The following LINGO3 variants were observed in gnomAD, a reference collection of about 807,000 sequenced individuals.
The protein encoded by LINGO3 is leucine rich repeat and Ig domain containing 3, also known as leucine-rich repeat and immunoglobulin-like domain-containing nogo receptor-interacting protein 3.
For synonymous variants in LINGO3, 427 were observed against 444.2 expected, an observed-to-expected ratio of 0.96 and a Z score of 0.49; for missense variants, 750 against 867.7, an observed-to-expected ratio of 0.86 and a Z score of 1.70.
the LINGO3 span, among the ~76,000 whole-genome samples, chr19:2,303,103 GA>G: frequency 6.6e-6 from 1 of 152,156 alleles, no homozygotes; most frequent in Non-Finnish European, 1.5e-5. Context: ...CCCCCAAAAG[GA>G]AGCCCCGTCC....
At chr19:2,300,444 C>G in the LINGO3 span, among the ~76,000 whole-genome samples, 1 of 151,904 alleles carries the variant, frequency 6.6e-6, no homozygotes, top group Non-Finnish European at 1.5e-5. Context: ...TCCCTCGGAC[C>G]ACCCCCCTCC....
Position 2,290,814 on chromosome 19 carries a change from G to A in LINGO3, c.963C>T (p.Arg321=), listed in dbSNP as rs762196696. 7.4e-6 allele frequency: 12 copies of A among 1,612,578 alleles called. No homozygotes were observed. The highest frequency in any genetic ancestry group is 4.5e-5 in the East Asian group (2 of 44,854). The change falls in exon 1 of 1, where the codon CGC becomes CGT. Residue 321 remains arginine (R), a synonymous_variant. Coordinates refer to ENST00000585527, the Ensembl canonical transcript of LINGO3. This position sits in a 1 kb window ranked among gnomAD's most constrained non-coding sequence, Gnocchi z 6.0. ...GCAGGTTGTTGGAGAGGTTGAGCAG[G>A]CGGATCTGGCGCAGGCCCAGGAAGG...
upstream of LINGO3, among the ~76,000 whole-genome samples, chr19:2,292,434 G>T (rs149160444): frequency 9.8e-3 from 1,357 of 138,170 alleles, 14 homozygotes; most frequent in Non-Finnish European, 0.015. Flanking sequence ...AAGCAGCATT[G>T]ATCCACCGTG....
the LINGO3 span, among the ~76,000 whole-genome samples, chr19:2,302,760 C>A: frequency 6.6e-6 from 1 of 152,256 alleles, no homozygotes. Context: ...CAGCTGAGGC[C>A]GCAGAGGCCT....
At chr19:2,300,596 A>T in the LINGO3 span, among the ~76,000 whole-genome samples, 1 of 151,730 alleles carries the variant, frequency 6.6e-6, no homozygotes, top group Non-Finnish European at 1.5e-5. Flanking sequence ...GACCTCTCCC[A>T]GGGCGACCCA....
At chr19:2,292,647 G>A (rs528143042), upstream of LINGO3, among the ~76,000 whole-genome samples, 4 of 151,666 alleles carry the variant, frequency 2.6e-5, no homozygotes, top group East Asian at 2.0e-4. Flanking sequence ...CCGCCACCAC[G>A]TCCGGCTAAT....
At chr19:2,300,124 C>T in the LINGO3 span, among the ~76,000 whole-genome samples, 2 of 150,566 alleles carry the variant, frequency 1.3e-5, no homozygotes, top group East Asian at 3.9e-4. Context: ...CTTCGCCTCC[C>T]GGGTTCAAGG....
chr19:2,304,710 CTTTTTTTTTT>C, the LINGO3 span, among the ~76,000 whole-genome samples: 4 of 73,212 alleles, frequency 5.5e-5, no homozygotes, highest in South Asian at 6.5e-4. Flanking sequence ...CCATGTCCTG[CTTTTTTTTTT>C]TTTTTTTTTT....
Position 2,290,822 on chromosome 19 carries a change from G to C in LINGO3, c.955C>G (p.Gln319Glu). Residue 319 changes from glutamine to glutamate, a missense_variant, in exon 1 of 1, where the codon CAG becomes GAG. Physicochemically the swap from Gln to Glu is conservative, Grantham distance 29. Coordinates refer to ENST00000585527, the Ensembl canonical transcript of LINGO3. This position sits in a 1 kb window ranked among gnomAD's most constrained non-coding sequence, Gnocchi z 6.0. ...TTGGAGAGGTTGAGCAGGCGGATCT[G>C]GCGCAGGCCCAGGAAGGCCTGCGGC... 3.1e-6 allele frequency: 5 copies of C among 1,612,514 alleles called. No individual in the cohort carries two copies. Among genetic ancestry groups the C allele is most frequent in the Non-Finnish European group, 4.2e-6 (5 of 1,179,622 alleles).
the LINGO3 span, among the ~76,000 whole-genome samples, chr19:2,305,222 T>C: frequency 2.0e-5 from 3 of 152,012 alleles, no homozygotes; most frequent in East Asian, 1.9e-4. Context: ...GACCTCTCCT[T>C]GGGGTCTGAG....
chr19:2,303,385 C>A, the LINGO3 span, among the ~76,000 whole-genome samples: 5 of 151,744 alleles, frequency 3.3e-5, no homozygotes, highest in Non-Finnish European at 7.4e-5. Flanking sequence ...CGGGCTGTGG[C>A]TGTGTTTGAC....
the LINGO3 span, among the ~76,000 whole-genome samples, chr19:2,303,086 T>G: frequency 1.3e-5 from 2 of 152,126 alleles, no homozygotes; most frequent in Non-Finnish European, 2.9e-5. Context: ...TCCAGAACAT[T>G]CCATCACCCC....
At chr19:2,303,577 A>G in the LINGO3 span, among the ~76,000 whole-genome samples, 17,953 of 152,092 alleles carry the variant, frequency 0.12, 1,361 homozygotes, top group East Asian at 0.21. Context: ...CCGGACTTGC[A>G]TCCACAGGCA....
chr19:2,294,365 G>A (rs765686848), upstream of LINGO3, among the ~76,000 whole-genome samples: 3 of 152,174 alleles, frequency 2.0e-5, no homozygotes, highest in Non-Finnish European at 1.5e-5. This position sits in a 1 kb window ranked among gnomAD's most constrained non-coding sequence, Gnocchi z 4.3. Context: ...CTTCCAGAGG[G>A]CCCCCGGCCC....
chr19:2,296,670 G>A (rs1020960739), upstream of LINGO3, among the ~76,000 whole-genome samples: 1 of 151,830 alleles, frequency 6.6e-6, no homozygotes, highest in African/African-American at 2.4e-5. Context: ...GTAGAGACGG[G>A]GTTTCACCAT....
chr19:2,297,034 G>C, the LINGO3 span, among the ~76,000 whole-genome samples: 2 of 151,660 alleles, frequency 1.3e-5, no homozygotes, highest in Non-Finnish European at 2.9e-5. Flanking sequence ...GGAGCTTGCA[G>C]TGAGCTGAGA....
Position 2,290,180 on chromosome 19 carries a change from T to C in LINGO3, c.1597A>G (p.Met533Val), listed in dbSNP as rs1599163298. The C allele has an allele frequency of 6.2e-7, 1 of 1,612,028 alleles. No homozygotes were observed. Among genetic ancestry groups the C allele is most frequent in the Non-Finnish European group, 8.5e-7 (1 of 1,179,558 alleles). The change falls in exon 1 of 1, where the codon ATG becomes GTG. Residue 533 changes from methionine (M) to valine (V), a missense_variant. By Grantham distance (21) the Met-to-Val change is conservative. Coordinates refer to ENST00000585527, the Ensembl canonical transcript of LINGO3. This position sits in a 1 kb window ranked among gnomAD's most constrained non-coding sequence, Gnocchi z 6.0. ...ACGCCCAGGAAGGTGATGCAGCCCA[T>C]GGCGGTGGACACCAGGATGGTGGTG...
the LINGO3 span, among the ~76,000 whole-genome samples, chr19:2,306,765 G>A: frequency 4.6e-5 from 7 of 152,002 alleles, no homozygotes; most frequent in African/African-American, 7.2e-5. Context: ...CCATCCCACC[G>A]CCCGGCTGCC....
chr19:2,305,800 G>A, the LINGO3 span, among the ~76,000 whole-genome samples: 2 of 152,308 alleles, frequency 1.3e-5, no homozygotes, highest in South Asian at 4.1e-4. Context: ...TGCCCCGTTT[G>A]AGCTTCTAAG....
Sources: allele counts gnomAD v4.1 joint callset (sites outside exome capture counted in the v4.1 genomes callset), GRCh38; gene constraint gnomAD v4.1.1; non-coding constraint Gnocchi (gnomAD v3.1); transcripts MANE v1.5; gene names NCBI Gene and HGNC (gene_info 2026-07-23, HGNC 2026-07-21).